The following MANBA variants were observed in gnomAD, a reference collection of about 807,000 sequenced individuals.
MANBA encodes the protein mannosidase beta, also known as beta-mannosidase.
In MANBA, 83 loss-of-function variants were observed where a neutral mutation model predicts 111.1. The observed-to-expected ratio is 0.75, with a 90% CI of 0.63 to 0.90. MANBA has a LOEUF of 0.90. Among genes scored for constraint, MANBA ranks in the 40% least tolerant of loss-of-function variants. The pLI, the probability that MANBA is intolerant of heterozygous loss-of-function variation, is 0.00. For synonymous variants in MANBA, 370 were observed against 378.7 expected (o/e 0.98, Z 0.27); for missense variants, 1,036 against 1,069.0 (o/e 0.97, Z 0.43).
intron 12 of MANBA, among the ~76,000 whole-genome samples, chr4:102,651,963 T>G (rs1730352251): frequency 8.3e-6 from 1 of 120,402 alleles, no homozygotes; most frequent in African/African-American, 2.8e-5. Context: ...ATGTTTATTA[T>G]TTTTAATTGA....
chr4:102,652,483 C>T (rs1730378545), intron 12 of MANBA, among the ~76,000 whole-genome samples: 1 of 152,078 alleles, frequency 6.6e-6, no homozygotes, highest in Non-Finnish European at 1.5e-5. Flanking sequence ...GAAAATCTTT[C>T]AAATTTCAGC....
chr4:102,759,751 T>A (rs1161857196), intron 1 of MANBA, among the ~76,000 whole-genome samples: 1 of 152,038 alleles, frequency 6.6e-6, no homozygotes, highest in African/African-American at 2.4e-5. Flanking sequence ...GGCTATGGAG[T>A]TGAGACCACC....
intron 1 of MANBA, chr4:102,729,845 T>C (rs1010727951): frequency 1.4e-5 from 19 of 1,387,294 alleles, no homozygotes; most frequent in South Asian, 9.2e-5. Flanking sequence ...CCAGGAACCA[T>C]ACCTTGTCTA....
chr4:102,660,011 CT>C (rs1730854275), intron 11 of MANBA, among the ~76,000 whole-genome samples: 1 of 152,166 alleles, frequency 6.6e-6, no homozygotes, highest in Admixed American at 6.5e-5. Flanking sequence ...GTTCTGATTA[CT>C]CCTAGCCACA....
chr4:102,651,085 T>A (rs996330399), intron 12 of MANBA, among the ~76,000 whole-genome samples: 1 of 151,972 alleles, frequency 6.6e-6, no homozygotes, highest in African/African-American at 2.4e-5. Context: ...TTGTCAAAAC[T>A]TAATAGAATG....
At chr4:102,722,786 C>T in intron 4 of MANBA, 85 bp downstream of exon 4, 1 of 1,370,710 alleles carries the variant, frequency 7.3e-7, no homozygotes, top group Non-Finnish European at 1.0e-6. Context: ...TTCTGAAATG[C>T]CATGGGAGTC....
Position 102,689,665 on chromosome 4 carries a change from C to A in MANBA, c.869G>T (p.Trp290Leu). 2 of 1,595,434 alleles carry A rather than the reference C, an allele frequency of 1.3e-6. No homozygotes were observed. The highest frequency in any genetic ancestry group is 1.7e-6 in the Non-Finnish European group (2 of 1,163,412). ...CTGGTTTCCATGTCCATGAGGCCAC[C>A]AAGTTTCTACAGTAATATTCTTTTA... ...NISKNITVET[W>L]WPHGHGNQTG... is the part of the protein sequence containing the mutation. The change falls in exon 7 of 17, where the codon TGG (tryptophan) becomes TTG (leucine). Residue 290 changes from tryptophan to leucine, a missense_variant. Coordinates refer to ENST00000647097, the MANE Select transcript of MANBA (RefSeq NM_005908.4).
chr4:102,668,939 C>G, intron 10 of MANBA, 24 bp downstream of exon 10: 1 of 1,568,572 alleles, frequency 6.4e-7, no homozygotes, highest in South Asian at 1.1e-5. Flanking sequence ...TGTTTTATTT[C>G]TTCTTGGAAG....
intron 1 of MANBA, among the ~76,000 whole-genome samples, chr4:102,755,160 C>G (rs1445512383): frequency 6.6e-6 from 1 of 152,120 alleles, no homozygotes; most frequent in Non-Finnish European, 1.5e-5. Context: ...CCCACATTGC[C>G]AAGACACTCC....
chr4:102,754,058 G>A, intron 1 of MANBA: 1 of 257,310 alleles, frequency 3.9e-6, no homozygotes, highest in Non-Finnish European at 7.9e-6. Flanking sequence ...GCCAAAAGAA[G>A]ATGAATTAGA....
intron 2 of MANBA, among the ~76,000 whole-genome samples, chr4:102,725,592 G>A (rs1039366383): frequency 6.6e-6 from 1 of 152,110 alleles, no homozygotes; most frequent in Admixed American, 6.5e-5. Context: ...ATTCTTGAAC[G>A]AATACCTATC....
chr4:102,637,755 T>C (rs1451734491), intron 14 of MANBA, among the ~76,000 whole-genome samples: 1 of 152,220 alleles, frequency 6.6e-6, no homozygotes, highest in African/African-American at 2.4e-5. Flanking sequence ...TACGGCTGTT[T>C]ATTTGTGTCT....
intron 16 of MANBA, among the ~76,000 whole-genome samples, chr4:102,634,444 A>G (rs573543300): frequency 6.6e-6 from 1 of 151,838 alleles, no homozygotes; most frequent in East Asian, 1.9e-4. Context: ...GGTGAAAGTC[A>G]GAGACTATGA....
At chr4:102,699,758 G>T (rs1173840901) in intron 5 of MANBA, among the ~76,000 whole-genome samples, 1 of 151,076 alleles carries the variant, frequency 6.6e-6, no homozygotes, top group African/African-American at 2.4e-5. Flanking sequence ...GATCCGGTTT[G>T]CCAGTATTTT....
intron 9 of MANBA, among the ~76,000 whole-genome samples, chr4:102,670,364 G>A (rs1731441206): frequency 6.6e-6 from 1 of 152,054 alleles, no homozygotes; most frequent in South Asian, 2.1e-4. Flanking sequence ...TTAGAACAAT[G>A]CCTGGCACTC....
At chr4:102,665,552 T>C (rs1367063567) in intron 10 of MANBA, 1 of 152,220 alleles carries the variant, frequency 6.6e-6, no homozygotes, top group Non-Finnish European at 1.5e-5. Flanking sequence ...AAGGGAAAAT[T>C]AGAGAATCTA....
chr4:102,664,815 CATATGATGATAG>C lies in MANBA; in HGVS notation c.1343_1354del (p.Ser448_Ile451del), dbSNP rs1731147841. The C allele has an allele frequency of 6.2e-7, 1 of 1,608,908 alleles. No individual in the cohort carries two copies. Among genetic ancestry groups the C allele is most frequent in the Non-Finnish European group, 8.5e-7 (1 of 1,175,360 alleles). ...CTCCTCATTTTCATTATTGCCACTC[CATATGATGATAG>C]AAGGATGAGATTTCAGTCTCTTGAT... On this transcript the variant is annotated inframe_deletion, in exon 11 of 17. Coordinates refer to ENST00000647097, the MANE Select transcript of MANBA (RefSeq NM_005908.4).
intron 4 of MANBA, among the ~76,000 whole-genome samples, chr4:102,721,856 T>C (rs1482876909): frequency 2.0e-5 from 3 of 151,640 alleles, no homozygotes; most frequent in Non-Finnish European, 4.4e-5. Flanking sequence ...GGCAAAATCC[T>C]GTCTCTACAA....
At chr4:102,736,526 C>T (rs1265723665) in intron 1 of MANBA, among the ~76,000 whole-genome samples, 2 of 152,214 alleles carry the variant, frequency 1.3e-5, no homozygotes, top group Non-Finnish European at 2.9e-5. Context: ...ACCCCAGATA[C>T]AATTACTTCG....
Sources: gnomAD v4.1 joint callset for allele counts (sites outside exome capture counted in the v4.1 genomes callset) on GRCh38, gnomAD v4.1.1 for gene constraint, MANE v1.5 for transcripts, NCBI Gene and HGNC (gene_info 2026-07-23, HGNC 2026-07-21) for gene names.